ARMC6: variants seen among roughly 807,000 people sequenced by gnomAD.
ARMC6 encodes the protein armadillo repeat containing 6.
In ARMC6, 43 loss-of-function variants were observed where a neutral mutation model predicts 49.2. That is an observed-to-expected ratio of 0.87 (90% CI 0.69 to 1.13). The LOEUF is 1.13. ARMC6 is among the 50% of genes most tolerant of loss of function. The pLI, the probability that ARMC6 is intolerant of heterozygous loss-of-function variation, is 0.00. For synonymous variants in ARMC6, 262 were observed against 289.6 expected, an observed-to-expected ratio of 0.90 and a Z score of 0.97; for missense variants, 627 against 682.0, an observed-to-expected ratio of 0.92 and a Z score of 0.90.
At position 19,056,148 on chromosome 19, in the gene ARMC6, T is replaced by C. The variant is rs186938945; in HGVS notation, c.1293+220T>C. Among the ~76,000 whole-genome samples, 6 of 152,304 alleles carry C rather than the reference T, an allele frequency of 3.9e-5. No homozygotes were observed. In the East Asian group the frequency reaches 5.8e-4, roughly 15 times the overall value. ...TGAATTCTGCCTTCATTTGCCTCCT[T>C]CTCTGCCTTTGTTTTTTCTGCATTT... On this transcript the variant is annotated intron_variant, in intron 8 of 8. Coordinates refer to ENST00000535612, the MANE Select transcript of ARMC6 (RefSeq NM_001199196.2).
Position 19,035,979 on chromosome 19 carries a change from C to T in ARMC6, c.29+1741C>T, listed in dbSNP as rs149275117. Among the ~76,000 whole-genome samples, 254 of 152,214 alleles carry T rather than the reference C, an allele frequency of 1.7e-3. 1 individual carries two copies. Among genetic ancestry groups the T allele is most frequent in the African/African-American group, 5.9e-3 (243 of 41,526 alleles). On this transcript the variant is annotated intron_variant, in intron 2 of 8. Transcript: ENST00000535612. ...TTTGGTCAGCCTTTCACAGAATACA[C>T]GATTTATATGGGGTACAGGGCAGGT...
chr19:19,051,775 A>T lies in ARMC6; in HGVS notation c.433A>T (p.Lys145Ter), dbSNP rs1317747558. The change falls in exon 5 of 9, where the codon AAG becomes TAG. Residue 145 changes from lysine to a stop codon, truncating the protein, a stop_gained. Coordinates refer to ENST00000535612, the MANE Select transcript of ARMC6 (RefSeq NM_001199196.2). LOFTEE classifies it high-confidence loss of function. ...GAYPIIFTAW[K>*]LATAGDQGLL... ...CTACCCCATCATCTTCACTGCCTGGAAGCTGGCCACTGCAGGTGACCAGGG... is the reference window on the plus strand; with the variant it reads ...CTACCCCATCATCTTCACTGCCTGGTAGCTGGCCACTGCAGGTGACCAGGG... 6.2e-7 allele frequency: 1 copy of T among 1,614,036 alleles called. No individual in the cohort carries two copies. Among genetic ancestry groups the T allele is most frequent in the Non-Finnish European group, 8.5e-7 (1 of 1,180,022 alleles).
At chr19:19,036,176 C>T (rs2059365753) in intron 2 of ARMC6, among the ~76,000 whole-genome samples, 1 of 152,190 alleles carries the variant, frequency 6.6e-6, no homozygotes, top group African/African-American at 2.4e-5. Flanking sequence ...ATTCTCTTGC[C>T]TCAGCCTCCT....
chr19:19,057,403 C>G lies in ARMC6; in HGVS notation c.1294-13C>G. 6.2e-7 allele frequency: 1 copy of G among 1,609,602 alleles called. No homozygotes were observed. The highest frequency in any genetic ancestry group is 8.5e-7 in the Non-Finnish European group (1 of 1,177,978). Reference sequence around the variant, plus strand: ...AGCCCCATCTGGCAGCTCACAGCTGCTCTCTCCTACAGAAACAGGCTTGCA... The same window carrying G: ...AGCCCCATCTGGCAGCTCACAGCTGGTCTCTCCTACAGAAACAGGCTTGCA... On this transcript the variant is annotated splice_polypyrimidine_tract_variant and intron_variant, in intron 8 of 8. Transcript: ENST00000535612.
At position 19,055,025 on chromosome 19, in the gene ARMC6, C is replaced by T. The variant is rs115707455; in HGVS notation, c.1024-240C>T. On this transcript the variant is annotated intron_variant, in intron 6 of 8. Transcript: ENST00000535612. This position sits in a 1 kb window ranked among gnomAD's most constrained non-coding sequence, Gnocchi z 5.7. ...CAGGGGGACCCTGTGCTCTGAAGGC[C>T]GGCCTGAGTCACATGCCCCCGCTGC... 4.1e-3 allele frequency among the ~76,000 whole-genome samples: 618 copies of T among 151,116 alleles called. 7 individuals carry two copies. Among genetic ancestry groups the T allele is most frequent in the African/African-American group, 0.014 (598 of 41,450 alleles).
At chr19:19,034,086 C>T (rs2059310991) in intron 1 of ARMC6, 45 bp from the exon 2 acceptor site, 2 of 686,380 alleles carry the variant, frequency 2.9e-6, no homozygotes, top group South Asian at 3.4e-5. Flanking sequence ...TCCTCGGCTT[C>T]CCTGGCATTC....
At chr19:19,050,009 G>A (rs932625878) in intron 4 of ARMC6, among the ~76,000 whole-genome samples, 2 of 151,930 alleles carry the variant, frequency 1.3e-5, no homozygotes, top group Non-Finnish European at 2.9e-5. Context: ...GGGTGACAGA[G>A]GAAGACTCCA....
rs2059315903 is a variant in ARMC6, at chr19:19,034,223, G to A, written c.14G>A (p.Cys5Tyr). 2 of 1,595,256 alleles carry A rather than the reference G, an allele frequency of 1.3e-6. No individual in the cohort carries two copies. The highest frequency in any genetic ancestry group is 2.7e-5 in the African/African-American group (2 of 74,908). The change falls in exon 2 of 9, where the codon TGT becomes TAT. Residue 5 changes from cysteine to tyrosine, a missense_variant. By Grantham distance (194) the Cys-to-Tyr change is radical. Transcript: ENST00000535612. Reference sequence around the variant, plus strand: ...GGGTACAAATAAATGAGTGAACGATGTTGCTCTAGATACAGGTAATGGTGT... The same window carrying A: ...GGGTACAAATAAATGAGTGAACGATATTGCTCTAGATACAGGTAATGGTGT... Reference protein sequence around the residue: MSERCCSRYSSGASI... With the variant: MSERYCSRYSSGASI...
chr19:19,051,714 C>T lies in ARMC6; in HGVS notation c.372C>T (p.Asp124=). ...GCTTCTGCGACCAGTGCAAACAGGACAAGGCCTGCCGCTTCCTCGCGGCCC... is the reference window on the plus strand; with the variant it reads ...GCTTCTGCGACCAGTGCAAACAGGATAAGGCCTGCCGCTTCCTCGCGGCCC... ...LTRFCDQCKQ[D]KACRFLAAQK... is the part of the protein sequence containing the mutation. Residue 124 remains aspartate (D), a synonymous_variant, in exon 5 of 9, where the codon GAC becomes GAT. Coordinates refer to ENST00000535612, the MANE Select transcript of ARMC6 (RefSeq NM_001199196.2). The T allele has an allele frequency of 6.2e-7, 1 of 1,614,030 alleles. No individual in the cohort carries two copies. Among genetic ancestry groups the T allele is most frequent in the Non-Finnish European group, 8.5e-7 (1 of 1,180,052 alleles).
chr19:19,040,670 C>A, intron 2 of ARMC6: 2 of 277,704 alleles, frequency 7.2e-6, no homozygotes, highest in East Asian at 1.3e-4. Context: ...TTTTTTTTTG[C>A]AACATCGTCT....
intron 3 of ARMC6, 98 bp from the exon 4 acceptor site, chr19:19,043,894 C>A: frequency 8.9e-7 from 1 of 1,125,610 alleles, no homozygotes; most frequent in South Asian, 1.3e-5. Flanking sequence ...GTGGTCCCAG[C>A]AGAAGGGTCC....
intron 2 of ARMC6, 34 bp downstream of exon 2, chr19:19,034,272 A>T (rs770328135): frequency 1.7e-5 from 27 of 1,588,416 alleles, no homozygotes; most frequent in Non-Finnish European, 2.2e-5. Context: ...GAGTGATGGG[A>T]CGGGAAAGCA....
Position 19,034,144 on chromosome 19 carries a change from A to T in ARMC6, c.-66A>T. 1 of 1,096,546 alleles carries T rather than the reference A, an allele frequency of 9.1e-7. No homozygotes were observed. The highest frequency in any genetic ancestry group is 2.4e-5 in the East Asian group (1 of 41,870). The allele number at this position is 1,096,546 out of a possible 1,614,324, so 67.9% of individuals were successfully genotyped here. Reference sequence around the variant, plus strand: ...TTATTCATTCAGCACCTGTGCACTGAGTGCCTGCTGCGTGTCGGGCCCCGT... The same window carrying T: ...TTATTCATTCAGCACCTGTGCACTGTGTGCCTGCTGCGTGTCGGGCCCCGT... On this transcript the variant is annotated 5_prime_UTR_variant, in exon 2 of 9. Transcript: ENST00000535612.
chr19:19,037,678 C>T lies in ARMC6; in HGVS notation c.29+3440C>T, dbSNP rs148464599. ...AAGTGGAAACTTGATAATTCCAGAA[C>T]GGAAACTTGATATTACTGCAATAAG... is the stretch of plus-strand genomic sequence containing the variant. On this transcript the variant is annotated intron_variant, in intron 2 of 8. Transcript: ENST00000535612. 9.6e-4 allele frequency: 1,106 copies of T among 1,148,930 alleles called. 14 individuals carry two copies. The African/African-American group carries it at 0.016, about 16-fold the overall frequency. 71.2% of individuals were successfully genotyped at this position (1,148,930 alleles called of 1,614,324 possible).
At position 19,033,931 on chromosome 19, in the gene ARMC6, GT is replaced by G; in HGVS notation, c.-80+2del. Reference sequence around the variant, plus strand: ...TTCCCCACGTGGCCGCGAAGACCGGGTGAGACGCTGCGGCTGCCGAGGCCTG... The same window carrying G: ...TTCCCCACGTGGCCGCGAAGACCGGGGAGACGCTGCGGCTGCCGAGGCCTG... On this transcript the variant is annotated splice_donor_variant, in intron 1 of 8. Transcript: ENST00000535612. LOFTEE classifies it low-confidence loss of function (5UTR_SPLICE). The G allele has an allele frequency of 2.2e-6, 1 of 452,338 alleles. No individual in the cohort carries two copies. Among genetic ancestry groups the G allele is most frequent in the Non-Finnish European group, 4.0e-6 (1 of 251,156 alleles). The allele number at this position is 452,338 out of a possible 1,614,324, so 28.0% of individuals were successfully genotyped here.
intron 4 of ARMC6, among the ~76,000 whole-genome samples, chr19:19,046,247 AG>A (rs2059449468): frequency 6.6e-6 from 1 of 151,798 alleles, no homozygotes; most frequent in Admixed American, 6.6e-5. Flanking sequence ...CCCAGGCTGG[AG>A]TGCAGTGGCG....
In ARMC6 at chr19:19,034,726, C is replaced by T. The variant is rs1048190694; in HGVS notation, c.29+488C>T. ...GCCTCAGCCTCCCGAGTAGCTGGGA[C>T]TACAGGTGCGCAACACCGCACCTGG... is the stretch of plus-strand genomic sequence containing the variant. On this transcript the variant is annotated intron_variant, in intron 2 of 8. Coordinates refer to ENST00000535612, the MANE Select transcript of ARMC6 (RefSeq NM_001199196.2). 3.4e-5 allele frequency among the ~76,000 whole-genome samples: 5 copies of T among 148,814 alleles called. 1 individual carries two copies. Among genetic ancestry groups the T allele is most frequent in the Admixed American group, 2.7e-4 (4 of 14,994 alleles).
At chr19:19,040,655 T>A in intron 2 of ARMC6, 1 of 93,688 alleles carries the variant, frequency 1.1e-5, no homozygotes, top group South Asian at 1.4e-4. Flanking sequence ...AGAGTTTGAC[T>A]TTTTTTTTTT....
intron 8 of ARMC6, 100 bp downstream of exon 8, chr19:19,056,028 G>A (rs774318084): frequency 1.7e-5 from 23 of 1,390,086 alleles, no homozygotes; most frequent in Non-Finnish European, 2.2e-5. Context: ...GTGGGTGATG[G>A]GGCAAAGGCT....
Sources: gnomAD v4.1 joint callset for allele counts (sites outside exome capture counted in the v4.1 genomes callset) on GRCh38, gnomAD v4.1.1 for gene constraint, Gnocchi (gnomAD v3.1) non-coding constraint, MANE v1.5 for transcripts, NCBI Gene and HGNC (gene_info 2026-07-23, HGNC 2026-07-21) for gene names.